TUNAR: variants seen among roughly 807,000 people sequenced by gnomAD.
TUNAR encodes transmembrane neural differentiation associated intracellular calcium regulator.
intron 2 of TUNAR, among the ~76,000 whole-genome samples, chr14:95,885,199 C>T (rs923911511): frequency 1.3e-5 from 2 of 152,210 alleles, no homozygotes; most frequent in African/African-American, 2.4e-5. Flanking sequence ...ATTGCAGATG[C>T]CTTACCTTGA....
At chr14:95,911,035 T>C (rs544691890) in intron 2 of TUNAR, among the ~76,000 whole-genome samples, 19 of 152,306 alleles carry the variant, frequency 1.2e-4, no homozygotes, top group African/African-American at 2.9e-4. Context: ...ATAGTGTATA[T>C]GTGTGATTGA....
At chr14:95,884,895 C>T (rs1415996524) in intron 2 of TUNAR, among the ~76,000 whole-genome samples, 3 of 151,394 alleles carry the variant, frequency 2.0e-5, no homozygotes, top group African/African-American at 7.3e-5. Flanking sequence ...TTCCCTCCTA[C>T]TGAGAAATAG....
intron 2 of TUNAR, among the ~76,000 whole-genome samples, chr14:95,884,437 C>T (rs1889036927): frequency 6.6e-6 from 1 of 152,218 alleles, no homozygotes; most frequent in Non-Finnish European, 1.5e-5. Context: ...GGGCACAACC[C>T]TGTGAAGCTC....
At chr14:95,914,481 C>T (rs567624505) in intron 2 of TUNAR, among the ~76,000 whole-genome samples, 48 of 152,266 alleles carry the variant, frequency 3.2e-4, no homozygotes, top group Non-Finnish European at 5.9e-4. Context: ...AGAGGACAAA[C>T]CTGCCCAGTT....
chr14:95,922,640 AAGG>A (rs1293464991), intron 2 of TUNAR, 138 bp from the exon 2 acceptor site: 5 of 392,820 alleles, frequency 1.3e-5, no homozygotes, highest in African/African-American at 6.2e-5. Context: ...AAGGTGTCCC[AAGG>A]TAGGATCCTT....
Position 95,895,449 on chromosome 14 carries a change from G to A in TUNAR, c.12+18272G>A, listed in dbSNP as rs1889246953. Among the ~76,000 whole-genome samples, 1 of 152,150 alleles carries A rather than the reference G, an allele frequency of 6.6e-6. No homozygotes were observed. The highest frequency in any genetic ancestry group is 2.1e-4 in the South Asian group (1 of 4,818). On this transcript the variant is annotated intron_variant, in intron 2 of 2. Transcript: ENST00000678517. The surrounding 1 kb of genome is among the most constrained non-coding windows in gnomAD (Gnocchi z 4.5). ...GTGGTGCGTGTGTGTATGTGTGGGT[G>A]TGCATGCATAGGAGGAAAGGGAGCG...
At chr14:95,889,779 C>T (rs1889143136) in intron 2 of TUNAR, among the ~76,000 whole-genome samples, 1 of 152,130 alleles carries the variant, frequency 6.6e-6, no homozygotes, top group Admixed American at 6.5e-5. Context: ...TCCTGTGCAC[C>T]TGCAGGGGTG....
intron 2 of TUNAR, among the ~76,000 whole-genome samples, chr14:95,907,686 G>A (rs1471985089): frequency 6.6e-6 from 1 of 152,170 alleles, no homozygotes; most frequent in Admixed American, 6.5e-5. Flanking sequence ...TCATCCCATT[G>A]AGCGTACAGC....
chr14:95,881,990 C>T lies in TUNAR; in HGVS notation c.12+4813C>T, dbSNP rs1034260721. On this transcript the variant is annotated intron_variant, in intron 2 of 2. Transcript: ENST00000678517. The stretch of plus-strand genomic sequence containing the variant: ...GTCTTCACCAACAGACCCCTCCTTC[C>T]GTCTCCCTTGGATCACTGAGCTGCT... 7.2e-5 allele frequency among the ~76,000 whole-genome samples: 11 copies of T among 152,170 alleles called. No individual in the cohort carries two copies. The South Asian group carries it at 8.3e-4, about 11-fold the overall frequency.
intron 2 of TUNAR, among the ~76,000 whole-genome samples, chr14:95,885,704 A>G (rs1421210824): frequency 2.0e-5 from 3 of 152,164 alleles, no homozygotes; most frequent in South Asian, 4.1e-4. Flanking sequence ...GGAGGGTTCC[A>G]TGTCTTACAG....
intron 2 of TUNAR, among the ~76,000 whole-genome samples, chr14:95,893,841 G>A (rs1889217500): frequency 2.0e-5 from 3 of 152,234 alleles, no homozygotes; most frequent in Non-Finnish European, 4.4e-5. Context: ...GCATTGTTAA[G>A]GTTCACCACC....
intron 2 of TUNAR, among the ~76,000 whole-genome samples, chr14:95,877,678 TTCC>T (rs1888910705): frequency 6.6e-6 from 1 of 152,178 alleles, no homozygotes; most frequent in South Asian, 2.1e-4. Context: ...TGCCAGACTG[TTCC>T]CTTTGTAACA....
intron 2 of TUNAR, among the ~76,000 whole-genome samples, chr14:95,890,429 G>A (rs1889161072): frequency 6.6e-6 from 1 of 152,168 alleles, no homozygotes. Flanking sequence ...TCTCCCCGGG[G>A]CCTAATTTCC....
intron 2 of TUNAR, among the ~76,000 whole-genome samples, chr14:95,881,716 A>G (rs1025851893): frequency 2.0e-5 from 3 of 152,192 alleles, no homozygotes; most frequent in Non-Finnish European, 2.9e-5. Context: ...CCATGTGAGT[A>G]TAGCTGCTGC....
chr14:95,917,166 A>G (rs1391779701), intron 2 of TUNAR, among the ~76,000 whole-genome samples: 1 of 152,190 alleles, frequency 6.6e-6, no homozygotes, highest in Non-Finnish European at 1.5e-5. Context: ...ATATTCCTTT[A>G]TATTGCCTTA....
At chr14:95,885,177 T>C (rs1889055628) in intron 2 of TUNAR, among the ~76,000 whole-genome samples, 1 of 152,152 alleles carries the variant, frequency 6.6e-6, no homozygotes, top group Non-Finnish European at 1.5e-5. Flanking sequence ...TTCAGATGCT[T>C]TTGGGTCTGA....
intron 2 of TUNAR, among the ~76,000 whole-genome samples, chr14:95,909,476 G>T (rs927423713): frequency 2.0e-4 from 30 of 151,946 alleles, no homozygotes; most frequent in African/African-American, 7.0e-4. Flanking sequence ...GTAGAGACGG[G>T]GTTTCACCGT....
intron 2 of TUNAR, among the ~76,000 whole-genome samples, chr14:95,889,959 C>CA (rs535897006): frequency 0.085 from 7,822 of 92,138 alleles, 327 homozygotes; most frequent in East Asian, 0.27. Flanking sequence ...GACACAAAGA[C>CA]AAAAAAAAAA....
intron 2 of TUNAR, among the ~76,000 whole-genome samples, chr14:95,901,963 G>A (rs115549218): frequency 1.7e-3 from 260 of 152,298 alleles, no homozygotes; most frequent in African/African-American, 5.9e-3. Flanking sequence ...GGCAAAGTGT[G>A]TTCCAGTAGA....
Sources: allele counts gnomAD v4.1 joint callset (sites outside exome capture counted in the v4.1 genomes callset), GRCh38; gene constraint gnomAD v4.1.1; non-coding constraint Gnocchi (gnomAD v3.1); transcripts MANE v1.5; gene names NCBI Gene and HGNC (gene_info 2026-07-23, HGNC 2026-07-21).